Variants in ZMYM2 observed in about 807,000 individuals in gnomAD.
The protein encoded by ZMYM2 is zinc finger MYM-type protein 2.
In ZMYM2, 56 loss-of-function variants were observed where a neutral mutation model predicts 162.8. The ratio of observed to expected loss-of-function variants is 0.34; its 90% CI spans 0.28 to 0.43. ZMYM2 has a LOEUF of 0.43. ZMYM2 is among the 20% of genes least tolerant of loss of function. The pLI, the probability that ZMYM2 is intolerant of heterozygous loss-of-function variation, is 1.00. For missense variants in ZMYM2, 1,275 were observed against 1,621.8 expected (o/e 0.79, Z 3.67); for synonymous variants, 510 against 541.6 (o/e 0.94, Z 0.81).
At chr13:19,896,737 A>G in the ZMYM2 span, among the ~76,000 whole-genome samples, 1 of 107,518 alleles carries the variant, frequency 9.3e-6, no homozygotes, top group Non-Finnish European at 1.9e-5. Context: ...AGCCTGACAG[A>G]GTGACAGAGC....
At chr13:20,058,435 C>A in intron 14 of ZMYM2, 140 bp from the exon 15 acceptor site, 2 of 971,754 alleles carry the variant, frequency 2.1e-6, no homozygotes, top group South Asian at 1.8e-5. Context: ...GTATGGTGAA[C>A]ATAGGGATAA....
intron 2 of ZMYM2, among the ~76,000 whole-genome samples, chr13:19,985,543 A>G (rs1949062632): frequency 6.6e-6 from 1 of 151,728 alleles, no homozygotes; most frequent in South Asian, 2.1e-4. Context: ...GTTTTTTTTA[A>G]AAACAATAAG....
intron 19 of ZMYM2, among the ~76,000 whole-genome samples, chr13:20,066,250 G>A (rs189097419): frequency 3.3e-5 from 5 of 152,232 alleles, no homozygotes; most frequent in Non-Finnish European, 5.9e-5. Flanking sequence ...ACAGATGACC[G>A]TTGTACAATG....
At chr13:19,884,590 C>A in the ZMYM2 span, among the ~76,000 whole-genome samples, 2 of 151,970 alleles carry the variant, frequency 1.3e-5, no homozygotes, top group African/African-American at 4.8e-5. Context: ...AAAAAAAAAG[C>A]CGTGGTCCTC....
At chr13:20,030,589 G>A (rs890612516) in intron 9 of ZMYM2, among the ~76,000 whole-genome samples, 11 of 152,038 alleles carry the variant, frequency 7.2e-5, no homozygotes. Flanking sequence ...TAGTAGAGAC[G>A]GGGTTTTACC....
chr13:20,038,953 C>G (rs1953982978), intron 12 of ZMYM2, among the ~76,000 whole-genome samples: 1 of 152,018 alleles, frequency 6.6e-6, no homozygotes, highest in Admixed American at 6.5e-5. Flanking sequence ...TCTCTGATTT[C>G]TTTGAGCAGT....
rs767770239 is a variant in ZMYM2 at position 20,052,242 on chromosome 13, A to G, written c.2459-35A>G. 24 of 1,510,708 alleles carry G rather than the reference A, an allele frequency of 1.6e-5. No homozygotes were observed. The Admixed American group carries it at 1.6e-4, about 10-fold the overall frequency. The allele number at this position is 1,510,708 out of a possible 1,614,324, so 93.6% of individuals were successfully genotyped here. The stretch of plus-strand genomic sequence containing the variant: ...ATTTAGAACATTCTGAAGAAAGAGT[A>G]TTTGTCTTATTTTAAATTTTTTTGT... On this transcript the variant is annotated intron_variant, in intron 13 of 24. Coordinates refer to ENST00000610343, the MANE Select transcript of ZMYM2 (RefSeq NM_197968.4).
At chr13:20,072,999 C>G (rs774346050) in intron 21 of ZMYM2, among the ~76,000 whole-genome samples, 3 of 151,926 alleles carry the variant, frequency 2.0e-5, no homozygotes, top group Non-Finnish European at 4.4e-5. Flanking sequence ...ACCTCTGCCT[C>G]CCAGATTCAA....
At chr13:19,899,534 A>G in the ZMYM2 span, among the ~76,000 whole-genome samples, 13 of 151,834 alleles carry the variant, frequency 8.6e-5, no homozygotes, top group African/African-American at 2.9e-4. Flanking sequence ...CAGTAGAGGA[A>G]AGGCTGGGCT....
the ZMYM2 span, among the ~76,000 whole-genome samples, chr13:19,867,337 C>T: frequency 1.4e-5 from 2 of 141,896 alleles, no homozygotes; most frequent in African/African-American, 5.4e-5. Flanking sequence ...GCGACAAGAG[C>T]GAAACTCCAT....
chr13:20,031,289 A>G (rs769842068), intron 9 of ZMYM2, 30 bp from the exon 10 acceptor site: 3 of 1,464,032 alleles, frequency 2.0e-6, no homozygotes, highest in Non-Finnish European at 2.8e-6. Flanking sequence ...CATACATGTC[A>G]GGCTTAGTAT....
At chr13:20,058,834 CT>C in intron 15 of ZMYM2, 130 bp downstream of exon 15, 1 of 1,302,416 alleles carries the variant, frequency 7.7e-7, no homozygotes, top group Non-Finnish European at 1.1e-6. Flanking sequence ...GTTGATTTTG[CT>C]TACGTAATTT....
the ZMYM2 span, among the ~76,000 whole-genome samples, chr13:19,880,881 TTTTTG>T: frequency 3.2e-4 from 48 of 149,340 alleles, 1 homozygote; most frequent in African/African-American, 1.0e-3. Context: ...AGTTTTTTTG[TTTTTG>T]TTTTGTTTTT....
the ZMYM2 span, among the ~76,000 whole-genome samples, chr13:19,948,401 C>T: frequency 6.6e-6 from 1 of 152,102 alleles, no homozygotes. Context: ...ATCCAGGCAA[C>T]ACAATATTAT....
Position 19,996,426 on chromosome 13 carries a change from T to TA in ZMYM2, c.847+2517dup, listed in dbSNP as rs556538792. Reference sequence around the variant, plus strand: ...AGCAAGACCTTGTCTCTACTAAAGATAAAAAAAAAACTAGCCAGGGCTGGT... The same window carrying TA: ...AGCAAGACCTTGTCTCTACTAAAGATAAAAAAAAAAACTAGCCAGGGCTGGT... On this transcript the variant is annotated intron_variant, in intron 3 of 24. Coordinates refer to ENST00000610343, the MANE Select transcript of ZMYM2 (RefSeq NM_197968.4). 6.0e-3 allele frequency among the ~76,000 whole-genome samples: 875 copies of TA among 146,778 alleles called. 11 individuals are homozygous for TA. Among genetic ancestry groups the TA allele is most frequent in the South Asian group, 0.029 (134 of 4,606 alleles).
At chr13:20,007,416 C>T (rs1004523601) in intron 6 of ZMYM2, among the ~76,000 whole-genome samples, 2 of 152,088 alleles carry the variant, frequency 1.3e-5, no homozygotes, top group Non-Finnish European at 1.5e-5. Context: ...GGATTACAGG[C>T]GTGAACCACT....
At chr13:19,997,832 C>T (rs527379802) in intron 3 of ZMYM2, among the ~76,000 whole-genome samples, 3 of 152,120 alleles carry the variant, frequency 2.0e-5, no homozygotes, top group Non-Finnish European at 4.4e-5. Context: ...CCTTTTAATA[C>T]CTAGCAGTAG....
intron 7 of ZMYM2, among the ~76,000 whole-genome samples, chr13:20,021,167 G>C (rs533377304): frequency 6.6e-6 from 1 of 151,990 alleles, no homozygotes; most frequent in African/African-American, 2.4e-5. Context: ...AGTAGAGGCG[G>C]GGTTTCACCG....
intron 18 of ZMYM2, 58 bp from the exon 19 acceptor site, chr13:20,064,393 G>A (rs1197206288): frequency 4.8e-6 from 7 of 1,451,060 alleles, no homozygotes; most frequent in African/African-American, 1.4e-5. Context: ...TTTGTTGGCT[G>A]TGTTTATGTA....
Sources: gnomAD v4.1 joint callset for allele counts (sites outside exome capture counted in the v4.1 genomes callset) on GRCh38, gnomAD v4.1.1 for gene constraint, MANE v1.5 for transcripts, NCBI Gene and HGNC (gene_info 2026-07-23, HGNC 2026-07-21) for gene names.